The following NKIRAS1 variants were observed in gnomAD, a reference collection of about 807,000 sequenced individuals.
The protein encoded by NKIRAS1 is NF-kappa-B inhibitor-interacting Ras-like protein 1.
A neutral mutation model predicts 19.8 loss-of-function variants in NKIRAS1; 16 were observed. That is an observed-to-expected ratio of 0.81 (90% CI 0.55 to 1.23). The LOEUF is 1.23. Among genes scored for constraint, NKIRAS1 ranks in the 50% most tolerant of loss-of-function variants. The pLI is 0.00. For synonymous variants in NKIRAS1, 88 were observed against 79.0 expected (o/e 1.11, Z -0.61); for missense variants, 184 against 220.0 (o/e 0.84, Z 1.04).
intron 2 of NKIRAS1, 57 bp downstream of exon 2, chr3:23,911,272 G>A (rs35042208): frequency 0.014 from 2,535 of 178,356 alleles, 46 homozygotes; most frequent in Non-Finnish European, 0.018. Flanking sequence ...TGGCCAACAT[G>A]GTGAAACCCC....
At chr3:23,909,476 G>A (rs146040199) in intron 3 of NKIRAS1, among the ~76,000 whole-genome samples, 158 of 152,310 alleles carry the variant, frequency 1.0e-3, no homozygotes, top group African/African-American at 3.6e-3. Flanking sequence ...GCAGTGAGCC[G>A]AGATTGCACC....
rs184000561 is a variant in NKIRAS1, at chr3:23,945,329, G to A, written c.-140+994C>T. ...CGCGGTGCGCTGGCTGCAGGAAGCCGCCGCGCCGCCGCTTTTGTTGTCAGG... is the reference window on the plus strand; with the variant it reads ...CGCGGTGCGCTGGCTGCAGGAAGCCACCGCGCCGCCGCTTTTGTTGTCAGG... On this transcript the variant is annotated intron_variant, in intron 1 of 4. Transcript: ENST00000421515. 1,195 of 160,912 alleles carry A rather than the reference G, an allele frequency of 7.4e-3. 14 individuals carry two copies. Among genetic ancestry groups the A allele is most frequent in the African/African-American group, 0.027 (1,122 of 41,616 alleles). 10.0% of individuals were successfully genotyped at this position (160,912 alleles called of 1,614,324 possible).
In NKIRAS1 at chr3:23,910,805, T is replaced by C. The variant is rs1027404609; in HGVS notation, c.94+6A>G. 6.2e-7 allele frequency: 1 copy of C among 1,605,026 alleles called. No individual in the cohort carries two copies. The highest frequency in any genetic ancestry group is 2.2e-5 in the East Asian group (1 of 44,822). ...CTAGAGACAAACTAGAGAAAAACAATCTTACCAATAGTATGATTTCCATAA... is the reference window on the plus strand; with the variant it reads ...CTAGAGACAAACTAGAGAAAAACAACCTTACCAATAGTATGATTTCCATAA... On this transcript the variant is annotated splice_donor_region_variant and intron_variant, in intron 3 of 4. Transcript: ENST00000425478.
intron 1 of NKIRAS1, among the ~76,000 whole-genome samples, chr3:23,938,087 G>A (rs1179011049): frequency 6.6e-6 from 1 of 152,024 alleles, no homozygotes. Flanking sequence ...GGGCTTTTCT[G>A]TATCCACTTC....
At chr3:23,940,184 AAAAAAAAGAG>A (rs1705468146) in intron 1 of NKIRAS1, among the ~76,000 whole-genome samples, 2 of 150,386 alleles carry the variant, frequency 1.3e-5, no homozygotes, top group Non-Finnish European at 3.0e-5. Context: ...AAAAAAAAAA[AAAAAAAAGAG>A]AAATTACTGG....
At position 23,927,824 on chromosome 3, in the gene NKIRAS1, A is replaced by G. The variant is rs577835422; in HGVS notation, c.-139-16374T>C. Reference sequence around the variant, plus strand: ...CTGGGCATGGTGGCTCATACCTGTAATCCTAGAAATTTGGGAGGCCAAAGT... The same window carrying G: ...CTGGGCATGGTGGCTCATACCTGTAGTCCTAGAAATTTGGGAGGCCAAAGT... On this transcript the variant is annotated intron_variant, in intron 1 of 4. Coordinates refer to the NKIRAS1 transcript ENST00000421515. The surrounding 1 kb of genome is among the most constrained non-coding windows in gnomAD (Gnocchi z 4.0). Among the ~76,000 whole-genome samples, 214 of 152,246 alleles carry G rather than the reference A, an allele frequency of 1.4e-3. 1 individual carries two copies. The highest frequency in any genetic ancestry group is 5.0e-3 in the African/African-American group (208 of 41,544).
At chr3:23,900,585 A>G (rs1702422774) in intron 4 of NKIRAS1, among the ~76,000 whole-genome samples, 1 of 151,060 alleles carries the variant, frequency 6.6e-6, no homozygotes, top group African/African-American at 2.4e-5. Context: ...CAGTGAGCCA[A>G]GATCGCATCA....
At chr3:23,918,161 C>T, upstream of NKIRAS1, 8 of 1,186,760 alleles carry the variant, frequency 6.7e-6, no homozygotes, top group Middle Eastern at 2.8e-4. Flanking sequence ...AAGCTAGCAA[C>T]ACTGGTCAGT....
chr3:23,907,091 G>A lies in NKIRAS1; in HGVS notation c.94+3720C>T, dbSNP rs1703138760. 2.0e-5 allele frequency among the ~76,000 whole-genome samples: 3 copies of A among 151,654 alleles called. No homozygotes were observed. The South Asian group carries it at 6.2e-4, about 32-fold the overall frequency. On this transcript the variant is annotated intron_variant, in intron 3 of 4. Transcript: ENST00000425478. ...ATATTTTTAGTAGAGATGGGGTTTC[G>A]CCATGTTGGCCATGCTGGTCTTGAA...
rs1218594717 is a variant in NKIRAS1, at chr3:23,926,001, A to G, written c.-139-14551T>C. ...GGACAGCACAGAAAATATTTTGACC[A>G]TCACAGAAATTTCTGTTGTATAGTG... On this transcript the variant is annotated intron_variant, in intron 1 of 4. Coordinates refer to the NKIRAS1 transcript ENST00000421515. This position sits in a 1 kb window ranked among gnomAD's most constrained non-coding sequence, Gnocchi z 4.3. 2.0e-5 allele frequency among the ~76,000 whole-genome samples: 3 copies of G among 152,108 alleles called. No homozygotes were observed. Among genetic ancestry groups the G allele is most frequent in the South Asian group, 2.1e-4 (1 of 4,824 alleles).
At chr3:23,914,989 GAA>G (rs1397986305) in intron 1 of NKIRAS1, among the ~76,000 whole-genome samples, 2 of 152,162 alleles carry the variant, frequency 1.3e-5, no homozygotes, top group Admixed American at 1.3e-4. Context: ...CATCACTACT[GAA>G]GTGGTCTGGG....
At chr3:23,946,512 C>G (rs143142001) in exon 1 of NKIRAS1, 91 of 157,868 alleles carry the variant, frequency 5.8e-4, no homozygotes, top group Middle Eastern at 6.6e-3. Context: ...ACAAAAAAAA[C>G]CGTTTGCTCT....
chr3:23,932,668 A>G (rs1322775581), intron 1 of NKIRAS1, among the ~76,000 whole-genome samples: 2 of 151,100 alleles, frequency 1.3e-5, no homozygotes, highest in Non-Finnish European at 2.9e-5. Flanking sequence ...AGCCTGGGCA[A>G]CAAGAGCAAA....
intron 1 of NKIRAS1, among the ~76,000 whole-genome samples, chr3:23,941,077 G>A (rs1050434836): frequency 6.6e-6 from 1 of 152,250 alleles, no homozygotes; most frequent in African/African-American, 2.4e-5. Flanking sequence ...AAAAGTTTGA[G>A]AACTGCTCAT....
intron 3 of NKIRAS1, among the ~76,000 whole-genome samples, chr3:23,906,703 G>A (rs1364751961): frequency 6.6e-6 from 1 of 150,426 alleles, no homozygotes; most frequent in Non-Finnish European, 1.5e-5. Context: ...GGAGGCTGCA[G>A]TGAGGTGAGA....
chr3:23,929,009 A>AAAAG (rs1705261186), intron 1 of NKIRAS1, among the ~76,000 whole-genome samples: 1 of 145,652 alleles, frequency 6.9e-6, no homozygotes, highest in South Asian at 2.1e-4. Context: ...TAAAAAAAAA[A>AAAAG]AAAAGAAAAG....
At chr3:23,902,604 C>T (rs1356457794) in intron 3 of NKIRAS1, among the ~76,000 whole-genome samples, 1 of 152,132 alleles carries the variant, frequency 6.6e-6, no homozygotes, top group Non-Finnish European at 1.5e-5. Flanking sequence ...CCGGTTAGCC[C>T]ACCTCCACCT....
rs1389031012 is a variant in NKIRAS1, at chr3:23,890,187, T to TG, written c.*2907dup. On this transcript the variant is annotated 3_prime_UTR_variant, in exon 5 of 5. Transcript: ENST00000425478. ...GGATGTTCATTGCAGTCTGAAGCCT[T>TG]GACCGTTCCAGTCTCTACTGAACTC... 6.6e-6 allele frequency among the ~76,000 whole-genome samples: 1 copy of TG among 152,202 alleles called. No homozygotes were observed. Among genetic ancestry groups the TG allele is most frequent in the Non-Finnish European group, 1.5e-5 (1 of 68,036 alleles).
chr3:23,946,047 T>A, intron 1 of NKIRAS1: 1 of 953,274 alleles, frequency 1.0e-6, no homozygotes. Flanking sequence ...GCGCGCGCGC[T>A]GGCTGGGAGC....
Sources: gnomAD v4.1 joint callset for allele counts (sites outside exome capture counted in the v4.1 genomes callset) on GRCh38, gnomAD v4.1.1 for gene constraint, Gnocchi (gnomAD v3.1) non-coding constraint, MANE v1.5 for transcripts, NCBI Gene and HGNC (gene_info 2026-07-23, HGNC 2026-07-21) for gene names.